CACNB2: variants seen among roughly 807,000 people sequenced by gnomAD.
The protein encoded by CACNB2 is calcium voltage-gated channel auxiliary subunit beta 2, also known as voltage-dependent L-type calcium channel subunit beta-2.
Under a neutral mutation model 73.3 loss-of-function variants are expected in CACNB2, and 42 were observed. That is an observed-to-expected ratio of 0.57 (90% CI 0.45 to 0.74). The LOEUF is 0.74. CACNB2 is among the 30% of genes least tolerant of loss of function. The pLI, the probability that CACNB2 is intolerant of heterozygous loss-of-function variation, is 0.00. For missense variants in CACNB2, 940 were observed against 853.0 expected (o/e 1.10, Z -1.27); for synonymous variants, 348 against 310.3 (o/e 1.12, Z -1.28).
At chr10:18,187,489 CA>C (rs1352479880) in intron 2 of CACNB2, among the ~76,000 whole-genome samples, 1 of 151,836 alleles carries the variant, frequency 6.6e-6, no homozygotes, top group Non-Finnish European at 1.5e-5. Context: ...AGATTTACGG[CA>C]ATATTTTAAA....
At chr10:18,149,017 AAAAAT>A in intron 1 of CACNB2, among the ~76,000 whole-genome samples, 1 of 151,802 alleles carries the variant, frequency 6.6e-6, no homozygotes, top group African/African-American at 2.4e-5. Context: ...AAAAAAAAAA[AAAAAT>A]GGGATGAGAT....
At chr10:18,522,885 A>C (rs1379862001) in intron 9 of CACNB2, among the ~76,000 whole-genome samples, 29 of 12,430 alleles carry the variant, frequency 2.3e-3, no homozygotes, top group African/African-American at 6.4e-3. Flanking sequence ...CTCAAAAAAA[A>C]AAAAAAAAAA....
At chr10:18,219,112 C>A (rs2131380154) in intron 2 of CACNB2, among the ~76,000 whole-genome samples, 1 of 152,316 alleles carries the variant, frequency 6.6e-6, no homozygotes, top group South Asian at 2.1e-4. Flanking sequence ...CTCCAGTGAA[C>A]CATGATCATG....
intron 9 of CACNB2, among the ~76,000 whole-genome samples, chr10:18,519,480 T>C (rs1343073004): frequency 6.6e-6 from 1 of 152,178 alleles, no homozygotes; most frequent in African/African-American, 2.4e-5. Flanking sequence ...CATGCTCTGC[T>C]TTATCTCCAA....
At chr10:18,461,578 T>C (rs1398551529) in intron 3 of CACNB2, among the ~76,000 whole-genome samples, 1 of 151,516 alleles carries the variant, frequency 6.6e-6, no homozygotes, top group Admixed American at 6.6e-5. Flanking sequence ...GGGTGGGAGA[T>C]GGTTTTGGGA....
At chr10:18,536,322 G>A in intron 12 of CACNB2, 126 bp downstream of exon 12, 1 of 605,096 alleles carries the variant, frequency 1.7e-6, no homozygotes, top group South Asian at 2.0e-5. Flanking sequence ...GCAGTGGTAT[G>A]GTCTTAGCTC....
chr10:18,536,265 TTTTTTTTTGG>T (rs1364073004), intron 12 of CACNB2, 69 bp downstream of exon 12: 7,292 of 459,514 alleles, frequency 0.016, 651 homozygotes, highest in Non-Finnish European at 0.018. Context: ...TTTTTTTTTT[TTTTTTTTTGG>T]GGGACAAGGT....
intron 2 of CACNB2, among the ~76,000 whole-genome samples, chr10:18,354,263 C>T (rs1386852084): frequency 6.6e-6 from 1 of 152,102 alleles, no homozygotes; most frequent in South Asian, 2.1e-4. Flanking sequence ...TAAGTGTTAG[C>T]TCCTTTTTTT....
intron 2 of CACNB2, among the ~76,000 whole-genome samples, chr10:18,351,177 A>G (rs1187251940): frequency 6.7e-6 from 1 of 150,350 alleles, no homozygotes; most frequent in African/African-American, 2.4e-5. Context: ...TTTTGCTAAA[A>G]TGTGTATTTA....
intron 2 of CACNB2, among the ~76,000 whole-genome samples, chr10:18,337,885 A>T (rs146342546): frequency 1.4e-4 from 22 of 152,360 alleles, no homozygotes; most frequent in African/African-American, 4.8e-4. Flanking sequence ...ACACAGTGAA[A>T]TGAAACTGGA....
At chr10:18,519,520 C>T (rs922998688) in intron 9 of CACNB2, among the ~76,000 whole-genome samples, 1 of 152,184 alleles carries the variant, frequency 6.6e-6, no homozygotes, top group Non-Finnish European at 1.5e-5. Flanking sequence ...GGCCAACCCA[C>T]CATGTGGGCA....
intron 2 of CACNB2, among the ~76,000 whole-genome samples, chr10:18,233,074 G>C: frequency 6.6e-6 from 1 of 152,172 alleles, no homozygotes; most frequent in East Asian, 1.9e-4. Flanking sequence ...GACAGGGCAA[G>C]ACCCTGTCTC....
intron 2 of CACNB2, among the ~76,000 whole-genome samples, chr10:18,219,502 C>G (rs1386530717): frequency 6.6e-6 from 1 of 152,086 alleles, no homozygotes; most frequent in African/African-American, 2.4e-5. Flanking sequence ...TTACTGTAGT[C>G]CTGTTAATGC....
At chr10:18,149,084 C>T (rs78473349) in intron 1 of CACNB2, among the ~76,000 whole-genome samples, 6,388 of 151,214 alleles carry the variant, frequency 0.042, 317 homozygotes, top group East Asian at 0.17. Context: ...TGAGGATAAA[C>T]GGTGAATTTA....
intron 3 of CACNB2, among the ~76,000 whole-genome samples, chr10:18,441,532 C>CT: frequency 6.6e-6 from 1 of 152,198 alleles, no homozygotes; most frequent in African/African-American, 2.4e-5. Context: ...ACAAAATTTC[C>CT]TTTTTTCTTT....
At chr10:18,162,049 T>C (rs1228071317) in intron 2 of CACNB2, among the ~76,000 whole-genome samples, 1 of 151,864 alleles carries the variant, frequency 6.6e-6, no homozygotes, top group Admixed American at 6.6e-5. Context: ...ACGTGTTCTG[T>C]AACTTTTAGG....
chr10:18,312,282 T>C (rs1207421088), intron 2 of CACNB2, among the ~76,000 whole-genome samples: 2 of 152,186 alleles, frequency 1.3e-5, no homozygotes, highest in African/African-American at 4.8e-5. Flanking sequence ...GACTGATCTG[T>C]TTCTATTGAG....
chr10:18,234,742 A>T (rs1201887495), intron 2 of CACNB2, among the ~76,000 whole-genome samples: 1 of 152,212 alleles, frequency 6.6e-6, no homozygotes, highest in Non-Finnish European at 1.5e-5. Flanking sequence ...TGATTGTTCC[A>T]TGAGTACGGA....
chr10:18,509,391 G>A (rs1406120510), intron 6 of CACNB2, among the ~76,000 whole-genome samples: 1 of 152,172 alleles, frequency 6.6e-6, no homozygotes, highest in Non-Finnish European at 1.5e-5. Flanking sequence ...TCTGGGCATT[G>A]GTGTCATAGC....
Sources: allele counts gnomAD v4.1 joint callset (sites outside exome capture counted in the v4.1 genomes callset), GRCh38; gene constraint gnomAD v4.1.1; transcripts MANE v1.5; gene names NCBI Gene and HGNC (gene_info 2026-07-23, HGNC 2026-07-21).